The following GCNT2 variants were observed in gnomAD, a reference collection of about 807,000 sequenced individuals.
GCNT2 encodes the protein N-acetyllactosaminide beta-1,6-N-acetylglucosaminyl-transferase.
In GCNT2, 34 loss-of-function variants were observed where a neutral mutation model predicts 34.2. The ratio of observed to expected loss-of-function variants is 1.00; its 90% confidence interval spans 0.76 to 1.32. GCNT2 has a LOEUF of 1.32. Ranked by LOEUF, GCNT2 falls within the 40% of genes most tolerant of loss-of-function variation. The probability of loss-of-function intolerance (pLI) is 0.00; values close to 1 mark genes in which losing one functional copy is unlikely to be tolerated. For missense variants in GCNT2, 584 were observed against 489.4 expected, an observed-to-expected ratio of 1.19 and a Z score of -1.82; for synonymous variants, 212 against 188.0, an observed-to-expected ratio of 1.13 and a Z score of -1.04.
In GCNT2 at chr6:10,586,806, T is replaced by C. The variant is rs779698235; in HGVS notation, c.926-34545T>C. The C allele has an allele frequency of 2.5e-6, 4 of 1,613,768 alleles. No individual in the cohort carries two copies. In the South Asian group the frequency reaches 3.3e-5, roughly 13 times the overall value. On this transcript the variant is annotated intron_variant, in intron 3 of 4. Transcript: ENST00000495262. ...TGCCTATGTGGCGCTTACCAGAGAC[T>C]TTGTCGACTTTGTTCTACGTGACCA...
intron 3 of GCNT2, among the ~76,000 whole-genome samples, chr6:10,540,010 C>T (rs773879489): frequency 4.0e-5 from 6 of 151,108 alleles, no homozygotes; most frequent in Admixed American, 1.3e-4. Flanking sequence ...CACGGGAGGT[C>T]GGGGCTACAG....
At chr6:10,609,886 A>G (rs147063264) in intron 3 of GCNT2, among the ~76,000 whole-genome samples, 29 of 124,222 alleles carry the variant, frequency 2.3e-4, no homozygotes, top group African/African-American at 6.7e-4. Flanking sequence ...ACCAAGTCTG[A>G]GTTTGCTTGT....
At chr6:10,568,977 C>T (rs1269306803) in intron 3 of GCNT2, among the ~76,000 whole-genome samples, 1 of 151,952 alleles carries the variant, frequency 6.6e-6, no homozygotes, top group Non-Finnish European at 1.5e-5. Flanking sequence ...TGTTGTAATG[C>T]TTTTATGTCA....
intron 3 of GCNT2, among the ~76,000 whole-genome samples, chr6:10,560,295 G>GC (rs991414780): frequency 2.1e-5 from 3 of 140,412 alleles, no homozygotes; most frequent in African/African-American, 8.2e-5. Context: ...TCACCATGTT[G>GC]CCCAGGGGTA....
intron 3 of GCNT2, among the ~76,000 whole-genome samples, chr6:10,538,024 C>G (rs951961568): frequency 1.3e-5 from 2 of 152,014 alleles, no homozygotes; most frequent in Non-Finnish European, 2.9e-5. Context: ...TACCGCACCT[C>G]GTTAGCCTGG....
At chr6:10,556,316 GGAGT>G in intron 3 of GCNT2, 1 of 1,576,142 alleles carries the variant, frequency 6.3e-7, no homozygotes, top group African/African-American at 1.3e-5. Context: ...CAACAGGGCA[GGAGT>G]GAGTGGAGTA....
intron 3 of GCNT2, among the ~76,000 whole-genome samples, chr6:10,590,031 G>GAA (rs1256931015): frequency 1.8e-4 from 27 of 152,286 alleles, no homozygotes; most frequent in African/African-American, 5.5e-4. Flanking sequence ...ATGAAGTGCA[G>GAA]AACTCTTGCT....
intron 3 of GCNT2, among the ~76,000 whole-genome samples, chr6:10,547,294 C>T (rs1219601942): frequency 1.3e-5 from 2 of 152,224 alleles, no homozygotes; most frequent in Non-Finnish European, 2.9e-5. Context: ...AGTAGCATTA[C>T]TATTTAATCC....
At chr6:10,546,877 A>G (rs1331531023) in intron 3 of GCNT2, among the ~76,000 whole-genome samples, 1 of 152,150 alleles carries the variant, frequency 6.6e-6, no homozygotes, top group Non-Finnish European at 1.5e-5. Flanking sequence ...CTTTTTCCAG[A>G]GATAACATTA....
chr6:10,617,361 G>A (rs578082392), intron 3 of GCNT2, among the ~76,000 whole-genome samples: 10 of 152,188 alleles, frequency 6.6e-5, no homozygotes, highest in Non-Finnish European at 1.5e-4. Context: ...TGGCCGGCAA[G>A]CGCTGCGCGC....
rs150434353 is a variant in GCNT2 at position 10,586,824 on chromosome 6, C to T, written c.926-34527C>T. On this transcript the variant is annotated intron_variant, in intron 3 of 4. Transcript: ENST00000495262. ...CAGAGACTTTGTCGACTTTGTTCTA[C>T]GTGACCAAAGGGCCATTGATCTACT... 151 of 1,612,974 alleles carry T rather than the reference C, an allele frequency of 9.4e-5. No individual in the cohort carries two copies. In the African/African-American group the frequency reaches 1.3e-3, roughly 14 times the overall value.
At chr6:10,617,204 C>T (rs776529357) in intron 3 of GCNT2, among the ~76,000 whole-genome samples, 6 of 152,156 alleles carry the variant, frequency 3.9e-5, no homozygotes, top group South Asian at 2.1e-4. Flanking sequence ...AGCCCTGCCC[C>T]GCTGGGAGGC....
intron 3 of GCNT2, among the ~76,000 whole-genome samples, chr6:10,592,822 C>G (rs1225204547): frequency 1.3e-5 from 2 of 151,918 alleles, no homozygotes; most frequent in Non-Finnish European, 2.9e-5. Context: ...GCTCACACAA[C>G]CTCTGCCTCC....
intron 3 of GCNT2, among the ~76,000 whole-genome samples, chr6:10,554,228 T>A (rs1436708623): frequency 2.6e-5 from 4 of 152,190 alleles, no homozygotes; most frequent in Non-Finnish European, 4.4e-5. Flanking sequence ...GGATTTTTTT[T>A]AAAGTTCTCC....
In GCNT2 at chr6:10,555,610, A is replaced by G. The variant is rs183205102; in HGVS notation, c.925+25774A>G. On this transcript the variant is annotated intron_variant, in intron 3 of 4. Coordinates refer to ENST00000495262, the MANE Select transcript of GCNT2 (RefSeq NM_145649.5). ...TTTTGACCCCAGTATTCTAAGACAA[A>G]CACCACAGCCGAAGCTGGAAGTGAG... is the stretch of plus-strand genomic sequence containing the variant. The G allele has an allele frequency of 8.1e-5, 25 of 307,264 alleles. No individual in the cohort carries two copies. In the Admixed American group the frequency reaches 1.0e-3, roughly 13 times the overall value. The allele number at this position is 307,264 out of a possible 1,614,324, so 19.0% of individuals were successfully genotyped here.
In GCNT2 at chr6:10,528,640, G is replaced by T. The variant is rs925222656; in HGVS notation, c.-272G>T. 3 of 511,968 alleles carry T rather than the reference G, an allele frequency of 5.9e-6. No individual in the cohort carries two copies. Among genetic ancestry groups the T allele is most frequent in the Non-Finnish European group, 1.1e-5 (3 of 283,424 alleles). The allele number at this position is 511,968 out of a possible 1,614,324, so 31.7% of individuals were successfully genotyped here. A position where few individuals can be genotyped will look rare whatever the true frequency, so the allele number is the denominator to read the frequency against. On this transcript the variant is annotated 5_prime_UTR_variant, in exon 3 of 5. Coordinates refer to ENST00000495262, the MANE Select transcript of GCNT2 (RefSeq NM_145649.5). Reference sequence around the variant, plus strand: ...ATCTGTTTTTGTGTAGACACAGGTTGCAGGTTAGCAGGAGAACAGGCAAGC... The same window carrying T: ...ATCTGTTTTTGTGTAGACACAGGTTTCAGGTTAGCAGGAGAACAGGCAAGC...
At chr6:10,530,022 ACCGCT>A (rs776341523) in intron 3 of GCNT2, 186 bp downstream of exon 3, 361 of 594,206 alleles carry the variant, frequency 6.1e-4, no homozygotes, top group Non-Finnish European at 9.7e-4. Flanking sequence ...ACTCTTGTGA[ACCGCT>A]CTGTTCACAG....
intron 2 of GCNT2, 44 bp downstream of exon 2, chr6:10,527,704 TA>T (rs1044569358): frequency 2.0e-5 from 3 of 151,502 alleles, no homozygotes; most frequent in African/African-American, 7.3e-5. Context: ...GGGTAAGAGA[TA>T]CGTGTGTATG....
At position 10,575,843 on chromosome 6, in the gene GCNT2, G is replaced by T. The variant is rs1763783565; in HGVS notation, c.926-45508G>T. Among the ~76,000 whole-genome samples the T allele has an allele frequency of 2.0e-5, 3 of 151,862 alleles. No individual in the cohort carries two copies. The South Asian group carries it at 6.2e-4, about 32-fold the overall frequency. On this transcript the variant is annotated intron_variant, in intron 3 of 4. Transcript: ENST00000495262. ...CTGGCTCAAAAAGCTCCCCCACTGA[G>T]CACCTTGCGACCCCCACTCCTGCCC...
Sources: gnomAD v4.1 joint callset for allele counts (sites outside exome capture counted in the v4.1 genomes callset) on GRCh38, gnomAD v4.1.1 for gene constraint, MANE v1.5 for transcripts, NCBI Gene and HGNC (gene_info 2026-07-23, HGNC 2026-07-21) for gene names.